DNAJC1: variants seen among roughly 807,000 people sequenced by gnomAD.
DNAJC1 encodes the protein dnaJ homolog subfamily C member 1.
A neutral mutation model predicts 76.6 loss-of-function variants in DNAJC1; 58 were observed. The observed-to-expected ratio is 0.76, with a 90% CI of 0.61 to 0.94. The LOEUF is 0.94. Ranked by LOEUF, DNAJC1 falls within the 40% of genes least tolerant of loss-of-function variation. The pLI is 0.00. For synonymous variants in DNAJC1, 258 were observed against 267.9 expected, an observed-to-expected ratio of 0.96 and a Z score of 0.36; for missense variants, 689 against 677.3, an observed-to-expected ratio of 1.02 and a Z score of -0.19.
At chr10:21,782,184 T>A (rs142425359) in intron 9 of DNAJC1, among the ~76,000 whole-genome samples, 1 of 151,770 alleles carries the variant, frequency 6.6e-6, no homozygotes, top group East Asian at 1.9e-4. Context: ...ATCAAATAGA[T>A]GCAATAAAAA....
intron 6 of DNAJC1, among the ~76,000 whole-genome samples, chr10:21,910,924 A>G (rs1054410410): frequency 2.0e-5 from 3 of 147,356 alleles, no homozygotes; most frequent in African/African-American, 7.6e-5. Flanking sequence ...AGAAAGAGAG[A>G]GATGGAGAGA....
intron 8 of DNAJC1, among the ~76,000 whole-genome samples, chr10:21,866,587 C>T (rs944723248): frequency 3.3e-5 from 5 of 152,078 alleles, no homozygotes; most frequent in African/African-American, 1.2e-4. Context: ...CATACATTAT[C>T]TCAACAGGTT....
At chr10:21,986,272 C>T (rs751286512) in intron 1 of DNAJC1, among the ~76,000 whole-genome samples, 7 of 152,152 alleles carry the variant, frequency 4.6e-5, no homozygotes, top group Non-Finnish European at 7.4e-5. Context: ...TTGCCACCAT[C>T]GATGCATAAG....
intron 8 of DNAJC1, among the ~76,000 whole-genome samples, chr10:21,879,921 C>A (rs1380729328): frequency 6.6e-6 from 1 of 152,144 alleles, no homozygotes; most frequent in Non-Finnish European, 1.5e-5. Flanking sequence ...TGCATTAAGT[C>A]TTCCTTTCAC....
rs960216126 is a variant in DNAJC1 at position 21,822,500 on chromosome 10, C to T, written c.979-16401G>A. 4.6e-5 allele frequency among the ~76,000 whole-genome samples: 7 copies of T among 151,588 alleles called. 1 individual carries two copies. The highest frequency in any genetic ancestry group is 7.3e-5 in the African/African-American group (3 of 41,312). ...AAATAAATAAATAAATACATGGAGA[C>T]GATCTAGTCTTATGCTCTGTTTTTA... On this transcript the variant is annotated intron_variant, in intron 8 of 11. Transcript: ENST00000376980.
At chr10:21,812,837 C>T (rs1834990475) in intron 8 of DNAJC1, among the ~76,000 whole-genome samples, 1 of 151,944 alleles carries the variant, frequency 6.6e-6, no homozygotes, top group Admixed American at 6.6e-5. Context: ...ATGGTGTTAA[C>T]TATACAGCCA....
chr10:21,852,757 C>CTT (rs35470482), intron 8 of DNAJC1, among the ~76,000 whole-genome samples: 2 of 143,460 alleles, frequency 1.4e-5, no homozygotes, highest in African/African-American at 2.5e-5. Context: ...GAAGTACCCA[C>CTT]TTTTTTTTTT....
intron 1 of DNAJC1, among the ~76,000 whole-genome samples, chr10:21,988,857 G>A (rs192927084): frequency 6.6e-5 from 10 of 152,176 alleles, no homozygotes; most frequent in Non-Finnish European, 8.8e-5. Context: ...TTTCTGACAC[G>A]CACCTAAGAT....
At chr10:21,880,782 C>T (rs768970819) in intron 8 of DNAJC1, among the ~76,000 whole-genome samples, 2 of 152,150 alleles carry the variant, frequency 1.3e-5, no homozygotes, top group Non-Finnish European at 2.9e-5. Flanking sequence ...TAAATGAGCA[C>T]TGGCTTCAAC....
intron 8 of DNAJC1, among the ~76,000 whole-genome samples, chr10:21,834,708 G>A (rs985883949): frequency 6.6e-6 from 1 of 152,238 alleles, no homozygotes; most frequent in African/African-American, 2.4e-5. Context: ...TAAGCCCATG[G>A]AGTCTCGCTC....
chr10:21,833,118 A>C (rs1348754515), intron 8 of DNAJC1, among the ~76,000 whole-genome samples: 6 of 152,222 alleles, frequency 3.9e-5, no homozygotes, highest in Non-Finnish European at 8.8e-5. Context: ...ACCTCAAAAT[A>C]TGCTTATTTA....
intron 9 of DNAJC1, among the ~76,000 whole-genome samples, chr10:21,784,443 A>C (rs1377415729): frequency 2.6e-5 from 4 of 152,176 alleles, no homozygotes; most frequent in African/African-American, 9.7e-5. Context: ...ACACTTTTAC[A>C]CTGTTGGTGG....
At chr10:21,829,914 T>C (rs1835329030) in intron 8 of DNAJC1, among the ~76,000 whole-genome samples, 2 of 152,208 alleles carry the variant, frequency 1.3e-5, no homozygotes, top group Non-Finnish European at 2.9e-5. Flanking sequence ...TGATCCTCTC[T>C]CAATTGGCTT....
In DNAJC1 at chr10:21,926,790, A is replaced by AT. The variant is rs1261176997; in HGVS notation, c.371+1715dup. ...AGCTGTTTGTGTAACTGTCACATTC[A>AT]TTTTTTCTATCAACTGTCTAAAATA... is the stretch of plus-strand genomic sequence containing the variant. On this transcript the variant is annotated intron_variant, in intron 3 of 11. Coordinates refer to ENST00000376980, the MANE Select transcript of DNAJC1 (RefSeq NM_022365.4). Among the ~76,000 whole-genome samples, 3 of 152,238 alleles carry AT rather than the reference A, an allele frequency of 2.0e-5. No individual in the cohort carries two copies. In the South Asian group the frequency reaches 6.2e-4, roughly 32 times the overall value.
chr10:21,841,014 A>G (rs940799965), intron 8 of DNAJC1, among the ~76,000 whole-genome samples: 1 of 152,236 alleles, frequency 6.6e-6, no homozygotes, highest in Non-Finnish European at 1.5e-5. Context: ...AGGACTCCCT[A>G]TTTAACAAAT....
At chr10:21,908,093 A>AATATATATAATATATAAAAT (rs1836781041) in intron 6 of DNAJC1, among the ~76,000 whole-genome samples, 1 of 111,806 alleles carries the variant, frequency 8.9e-6, no homozygotes, top group Non-Finnish European at 1.7e-5. Context: ...TTATATATAA[A>AATATATATAATATATAAAAT]ATATATATAA....
chr10:21,807,056 T>A (rs369778850), intron 8 of DNAJC1, among the ~76,000 whole-genome samples: 12 of 152,146 alleles, frequency 7.9e-5, no homozygotes, highest in African/African-American at 2.6e-4. Flanking sequence ...CCAGAGGCAA[T>A]AAAGCACTCT....
chr10:21,798,489 G>T (rs1834774363), intron 9 of DNAJC1, among the ~76,000 whole-genome samples: 1 of 152,050 alleles, frequency 6.6e-6, no homozygotes, highest in South Asian at 2.1e-4. Context: ...TAGCCATATG[G>T]ACCTCCTTGT....
intron 7 of DNAJC1, among the ~76,000 whole-genome samples, chr10:21,904,288 T>A (rs1052760613): frequency 6.6e-6 from 1 of 152,106 alleles, no homozygotes; most frequent in African/African-American, 2.4e-5. Context: ...AGGAGTTACA[T>A]GACTCAAGCT....
Sources: allele counts gnomAD v4.1 joint callset (sites outside exome capture counted in the v4.1 genomes callset), GRCh38; gene constraint gnomAD v4.1.1; transcripts MANE v1.5; gene names NCBI Gene and HGNC (gene_info 2026-07-23, HGNC 2026-07-21).